The following MSH4 variants were observed in gnomAD, a reference collection of about 807,000 sequenced individuals.
MSH4 encodes mutS homolog 4, also known as mutS protein homolog 4.
In MSH4, 106 loss-of-function variants were observed where a neutral mutation model predicts 113.7. That is an observed-to-expected ratio of 0.93 (90% confidence interval 0.80 to 1.10). The LOEUF (loss-of-function observed/expected upper bound fraction) is 1.10. MSH4 is among the 50% of genes least tolerant of loss of function. The probability of loss-of-function intolerance (pLI) is 0.00; values close to 1 mark genes in which losing one functional copy is unlikely to be tolerated. For missense variants in MSH4, 1,061 were observed against 1,093.7 expected (o/e 0.97, Z 0.42); for synonymous variants, 368 against 380.2 (o/e 0.97, Z 0.37).
At chr1:75,846,868 T>A (rs1264272422) in intron 7 of MSH4, among the ~76,000 whole-genome samples, 1 of 152,216 alleles carries the variant, frequency 6.6e-6, no homozygotes, top group Non-Finnish European at 1.5e-5. Context: ...GTATTTGTTA[T>A]AGCAACAACC....
In MSH4 at chr1:75,797,281, C is replaced by T. The variant is rs1264979205; in HGVS notation, c.244+52C>T. On this transcript the variant is annotated intron_variant, in intron 1 of 19. Coordinates refer to ENST00000263187, the MANE Select transcript of MSH4 (RefSeq NM_002440.4). ...TCCTTGAGGCTAGAGGCCGGCAGTT[C>T]ATGGAGGCTCGGGGGCACGTGGGTG... is the stretch of plus-strand genomic sequence containing the variant. 6 of 1,555,658 alleles carry T rather than the reference C, an allele frequency of 3.9e-6. No homozygotes were observed. In the African/African-American group the frequency reaches 5.4e-5, roughly 14 times the overall value.
chr1:75,802,274 A>C lies in MSH4; in HGVS notation c.245-1457A>C, dbSNP rs186742456. On this transcript the variant is annotated intron_variant, in intron 1 of 19. Transcript: ENST00000263187. ...TGAGAGTTGTCAGAAAATAGATGTT[A>C]ATAGAAACAAAGAGGAGAGATGAGA... Among the ~76,000 whole-genome samples the C allele has an allele frequency of 9.8e-4, 149 of 152,366 alleles. 1 individual carries two copies. Among genetic ancestry groups the C allele is most frequent in the Non-Finnish European group, 7.1e-4 (48 of 68,036 alleles).
intron 7 of MSH4, among the ~76,000 whole-genome samples, chr1:75,845,948 A>G (rs1216868644): frequency 6.6e-6 from 1 of 152,138 alleles, no homozygotes; most frequent in African/African-American, 2.4e-5. Context: ...TACCTATTGT[A>G]TTCTGTGTGC....
rs1312301400 is a variant in MSH4 at position 75,810,577 on chromosome 1, CA to C, written c.589-119del. 3 of 481,432 alleles carry C rather than the reference CA, an allele frequency of 6.2e-6. No individual in the cohort carries two copies. In the Admixed American group the frequency reaches 1.2e-4, roughly 20 times the overall value. 29.8% of individuals were successfully genotyped at this position (481,432 alleles called of 1,614,324 possible). ...GAAACATATTTTAATTGAAATATATCATTAGGACAGTTATAATTTTGTGTAT... is the reference window on the plus strand; with the variant it reads ...GAAACATATTTTAATTGAAATATATCTTAGGACAGTTATAATTTTGTGTAT... On this transcript the variant is annotated intron_variant, in intron 3 of 19. Coordinates refer to ENST00000263187, the MANE Select transcript of MSH4 (RefSeq NM_002440.4).
At chr1:75,824,152 T>C (rs935810670) in intron 7 of MSH4, among the ~76,000 whole-genome samples, 7 of 152,208 alleles carry the variant, frequency 4.6e-5, no homozygotes, top group Non-Finnish European at 1.5e-5. Context: ...TTCCTTACTT[T>C]TTAATGATCG....
chr1:75,896,392 C>CAA (rs1652384842), intron 17 of MSH4, among the ~76,000 whole-genome samples: 2 of 133,962 alleles, frequency 1.5e-5, no homozygotes, highest in South Asian at 5.2e-4. Flanking sequence ...CACACACACA[C>CAA]ACCCTATTGG....
At chr1:75,811,878 G>C (rs1650196909) in intron 4 of MSH4, among the ~76,000 whole-genome samples, 1 of 152,170 alleles carries the variant, frequency 6.6e-6, no homozygotes, top group African/African-American at 2.4e-5. Context: ...AGTCATATAA[G>C]ATTTGTCATG....
intron 7 of MSH4, among the ~76,000 whole-genome samples, chr1:75,835,649 C>T (rs1280961625): frequency 1.3e-5 from 2 of 152,150 alleles, no homozygotes; most frequent in African/African-American, 4.8e-5. Flanking sequence ...TTTTTCTCTC[C>T]ATGGCCTTCT....
intron 15 of MSH4, among the ~76,000 whole-genome samples, chr1:75,885,444 CATAT>C (rs60096542): frequency 1.6e-4 from 18 of 109,968 alleles, no homozygotes; most frequent in South Asian, 5.5e-4. Context: ...TGTGTATATA[CATAT>C]ATATATATAT....
intron 9 of MSH4, among the ~76,000 whole-genome samples, chr1:75,868,357 A>G (rs1651634612): frequency 6.6e-6 from 1 of 152,204 alleles, no homozygotes; most frequent in Non-Finnish European, 1.5e-5. Context: ...CCCAATCCTC[A>G]TCAAACTTCC....
At chr1:75,850,360 T>C (rs1651158828) in intron 8 of MSH4, among the ~76,000 whole-genome samples, 1 of 152,162 alleles carries the variant, frequency 6.6e-6, no homozygotes, top group Admixed American at 6.5e-5. Context: ...TGATTTCTTT[T>C]TCTTTCAAAA....
chr1:75,816,308 TA>T (rs1190341274), intron 5 of MSH4, 64 bp from the exon 6 acceptor site: 7 of 1,089,302 alleles, frequency 6.4e-6, no homozygotes, highest in Non-Finnish European at 8.6e-6. Context: ...TAATTTTTCT[TA>T]AGGGGAAATA....
At chr1:75,851,696 C>A (rs573150727) in intron 8 of MSH4, among the ~76,000 whole-genome samples, 15 of 152,268 alleles carry the variant, frequency 9.9e-5, no homozygotes, top group Admixed American at 2.6e-4. Context: ...AGGTGTGAAC[C>A]ATCGGACACA....
At chr1:75,811,942 A>G (rs1417720769) in intron 4 of MSH4, among the ~76,000 whole-genome samples, 3 of 152,204 alleles carry the variant, frequency 2.0e-5, no homozygotes, top group Non-Finnish European at 4.4e-5. Flanking sequence ...TGCCAGAGAT[A>G]GTCCCTATTC....
chr1:75,808,662 T>C (rs1650120182), intron 3 of MSH4, among the ~76,000 whole-genome samples: 1 of 152,222 alleles, frequency 6.6e-6, no homozygotes, highest in South Asian at 2.1e-4. Flanking sequence ...TTCAGGATTA[T>C]GGCCCAAACC....
intron 19 of MSH4, among the ~76,000 whole-genome samples, chr1:75,907,834 A>G (rs1235855638): frequency 6.7e-6 from 1 of 149,514 alleles, no homozygotes; most frequent in Non-Finnish European, 1.5e-5. Context: ...CTTGTGCCTC[A>G]GCTACCCAAG....
intron 8 of MSH4, among the ~76,000 whole-genome samples, chr1:75,866,673 C>A (rs544449025): frequency 1.3e-5 from 2 of 152,084 alleles, no homozygotes; most frequent in Non-Finnish European, 2.9e-5. Flanking sequence ...GGGCTATAGA[C>A]CACGGTACCT....
chr1:75,886,870 A>T (rs1652136467), intron 15 of MSH4, among the ~76,000 whole-genome samples: 1 of 145,320 alleles, frequency 6.9e-6, no homozygotes, highest in Non-Finnish European at 1.5e-5. Flanking sequence ...CTTCACATTT[A>T]TTTCACATTT....
At chr1:75,869,968 A>C (rs750411415) in intron 9 of MSH4, among the ~76,000 whole-genome samples, 1 of 152,186 alleles carries the variant, frequency 6.6e-6, no homozygotes, top group African/African-American at 2.4e-5. Flanking sequence ...TGGAAAAGCC[A>C]CAGACACTCA....
Sources: allele counts gnomAD v4.1 joint callset (sites outside exome capture counted in the v4.1 genomes callset), GRCh38; gene constraint gnomAD v4.1.1; transcripts MANE v1.5; gene names NCBI Gene and HGNC (gene_info 2026-07-23, HGNC 2026-07-21).